The following SAMD12 variants were observed in gnomAD, a reference collection of about 807,000 sequenced individuals.
SAMD12 encodes sterile alpha motif domain-containing protein 12.
A neutral mutation model predicts 15.0 loss-of-function variants in SAMD12; 9 were observed. The observed-to-expected ratio is 0.60, with a 90% CI of 0.36 to 1.05. The LOEUF (loss-of-function observed/expected upper bound fraction) is 1.05. Among genes scored for constraint, SAMD12 ranks in the 50% least tolerant of loss-of-function variants. The pLI, the probability that SAMD12 is intolerant of heterozygous loss-of-function variation, is 0.01. For synonymous variants in SAMD12, 86 were observed against 90.1 expected (o/e 0.96, Z 0.25); for missense variants, 230 against 234.2 (o/e 0.98, Z 0.12).
chr8:118,375,165 G>A (rs1190088253), downstream of SAMD12, among the ~76,000 whole-genome samples: 2 of 151,962 alleles, frequency 1.3e-5, no homozygotes, highest in African/African-American at 2.4e-5. Flanking sequence ...TCTATTATAC[G>A]GTTTCTACAT....
intron 3 of SAMD12, among the ~76,000 whole-genome samples, chr8:118,391,906 T>A (rs1040824070): frequency 4.0e-5 from 6 of 150,124 alleles, no homozygotes; most frequent in African/African-American, 1.5e-4. Context: ...GCCATGACCA[T>A]GAAGACCATG....
intron 4 of SAMD12, among the ~76,000 whole-genome samples, chr8:118,245,368 A>G (rs1812663773): frequency 6.6e-6 from 1 of 152,154 alleles, no homozygotes; most frequent in South Asian, 2.1e-4. Context: ...CAAAAACATT[A>G]GGCCTACCGG....
the SAMD12 span, among the ~76,000 whole-genome samples, chr8:118,161,619 G>A: frequency 6.6e-6 from 1 of 150,802 alleles, no homozygotes; most frequent in African/African-American, 2.4e-5. Flanking sequence ...CTTACACTGG[G>A]AGAAAATATT....
intron 1 of SAMD12, among the ~76,000 whole-genome samples, chr8:118,587,401 G>C (rs1827480559): frequency 6.6e-6 from 1 of 152,186 alleles, no homozygotes; most frequent in African/African-American, 2.4e-5. Context: ...CTTTGTAGCA[G>C]ACACTTCTGA....
chr8:118,291,851 G>A (rs13251040), intron 4 of SAMD12, among the ~76,000 whole-genome samples: 1 of 150,796 alleles, frequency 6.6e-6, no homozygotes, highest in Non-Finnish European at 1.5e-5. Context: ...TTTGGAAGGA[G>A]GTATCAGGGC....
At chr8:118,531,509 T>C (rs1355813808) in intron 2 of SAMD12, among the ~76,000 whole-genome samples, 2 of 152,218 alleles carry the variant, frequency 1.3e-5, no homozygotes, top group East Asian at 3.8e-4. Flanking sequence ...ATCTATAAAT[T>C]ACCTTGGGCA....
At chr8:118,249,419 G>A (rs993356636) in intron 4 of SAMD12, among the ~76,000 whole-genome samples, 1 of 152,014 alleles carries the variant, frequency 6.6e-6, no homozygotes, top group African/African-American at 2.4e-5. Context: ...CTAGTATTTG[G>A]CACACAGCAA....
chr8:118,202,660 A>T (rs957122123), intron 4 of SAMD12, among the ~76,000 whole-genome samples: 1 of 152,196 alleles, frequency 6.6e-6, no homozygotes, highest in African/African-American at 2.4e-5. Context: ...CCCACGTCTC[A>T]TGGGCTCAAG....
At chr8:118,290,872 T>A (rs576779257) in intron 4 of SAMD12, among the ~76,000 whole-genome samples, 1 of 152,336 alleles carries the variant, frequency 6.6e-6, no homozygotes, top group South Asian at 2.1e-4. Context: ...TTCCAGTGTC[T>A]TTTGAATTTC....
chr8:118,479,372 G>A (rs753004977), intron 2 of SAMD12, among the ~76,000 whole-genome samples: 1 of 152,182 alleles, frequency 6.6e-6, no homozygotes, highest in Non-Finnish European at 1.5e-5. Context: ...ACATGTTTGG[G>A]GAGGCCTCAC....
chr8:118,355,253 G>A (rs1049071012), intron 4 of SAMD12, among the ~76,000 whole-genome samples: 2 of 152,210 alleles, frequency 1.3e-5, no homozygotes, highest in Non-Finnish European at 2.9e-5. Flanking sequence ...AGATGGAACT[G>A]GAGACTATTA....
At chr8:118,353,623 C>A (rs1212078352) in intron 4 of SAMD12, among the ~76,000 whole-genome samples, 10 of 152,098 alleles carry the variant, frequency 6.6e-5, no homozygotes, top group Non-Finnish European at 1.5e-5. Context: ...CAGAAAATGG[C>A]AGATTTGTTA....
chr8:118,542,838 T>G (rs992301079), intron 2 of SAMD12, among the ~76,000 whole-genome samples: 2 of 151,988 alleles, frequency 1.3e-5, no homozygotes, highest in Non-Finnish European at 2.9e-5. Context: ...CTTCCCAAGG[T>G]TGTCTATATT....
intron 2 of SAMD12, among the ~76,000 whole-genome samples, chr8:118,441,552 T>A (rs1822764100): frequency 6.6e-6 from 1 of 152,182 alleles, no homozygotes; most frequent in South Asian, 2.1e-4. Flanking sequence ...TGTACTGTGA[T>A]ATTTTTCTTT....
chr8:118,618,596 T>C (rs1828306521), intron 1 of SAMD12, among the ~76,000 whole-genome samples: 1 of 152,008 alleles, frequency 6.6e-6, no homozygotes, highest in Admixed American at 6.6e-5. Flanking sequence ...TCCCAGCACT[T>C]TGGGAGGCCG....
intron 2 of SAMD12, among the ~76,000 whole-genome samples, chr8:118,532,541 G>C (rs1482777366): frequency 6.6e-6 from 1 of 152,174 alleles, no homozygotes; most frequent in Non-Finnish European, 1.5e-5. Flanking sequence ...ACCTCTGGTA[G>C]AATTCGGCTG....
chr8:118,551,799 AAG>A, intron 2 of SAMD12, among the ~76,000 whole-genome samples: 1 of 152,206 alleles, frequency 6.6e-6, no homozygotes, highest in East Asian at 1.9e-4. Context: ...TAAAGAAAAA[AAG>A]AGAGAAGAAT....
chr8:118,160,477 T>C, the SAMD12 span, among the ~76,000 whole-genome samples: 1 of 152,204 alleles, frequency 6.6e-6, no homozygotes, highest in Admixed American at 6.5e-5. Flanking sequence ...AGTGTCATAC[T>C]TAGGTTAATA....
At chr8:118,222,369 C>G (rs554387847) in intron 4 of SAMD12, among the ~76,000 whole-genome samples, 1 of 152,010 alleles carries the variant, frequency 6.6e-6, no homozygotes, top group African/African-American at 2.4e-5. Context: ...CATTTACCAG[C>G]TATGTGACCT....
Sources: allele counts gnomAD v4.1 joint callset (sites outside exome capture counted in the v4.1 genomes callset), GRCh38; gene constraint gnomAD v4.1.1; transcripts MANE v1.5; gene names NCBI Gene and HGNC (gene_info 2026-07-23, HGNC 2026-07-21).